The following AQP7B variants were observed in gnomAD, a reference collection of about 807,000 sequenced individuals.
The protein encoded by AQP7B is putative aquaporin-7B.
At chr2:94,603,172 A>G in the AQP7B span, 1 of 1,506,524 alleles carries the variant, frequency 6.6e-7, no homozygotes, top group Non-Finnish European at 9.1e-7. Context: ...AGTCTCTTCT[A>G]CAGCAAGTGT....
At chr2:94,603,022 G>A in the AQP7B span, 3 of 1,591,556 alleles carry the variant, frequency 1.9e-6, no homozygotes, top group African/African-American at 4.0e-5. Context: ...TGACACACTT[G>A]CCTGCTGCCC....
chr2:94,599,997 G>T, the AQP7B span, among the ~76,000 whole-genome samples: 3 of 151,752 alleles, frequency 2.0e-5, no homozygotes, highest in Non-Finnish European at 4.4e-5. Context: ...TCCTGTCTCA[G>T]CCTCCTGAGT....
chr2:94,589,992 C>T, the AQP7B span, among the ~76,000 whole-genome samples: 1 of 152,204 alleles, frequency 6.6e-6, no homozygotes, highest in Non-Finnish European at 1.5e-5. Flanking sequence ...CAGGCCACCA[C>T]CCGCCCATTC....
At chr2:94,588,838 C>G in the AQP7B span, among the ~76,000 whole-genome samples, 3 of 151,860 alleles carry the variant, frequency 2.0e-5, no homozygotes, top group African/African-American at 7.2e-5. Flanking sequence ...CTCTCAGGCT[C>G]AGCTGTCTTT....
At chr2:94,602,160 G>A in the AQP7B span, among the ~76,000 whole-genome samples, 3 of 151,886 alleles carry the variant, frequency 2.0e-5, no homozygotes, top group African/African-American at 4.8e-5. Context: ...GGGGTGCAAT[G>A]CATGCCAGCC....
the AQP7B span, among the ~76,000 whole-genome samples, chr2:94,590,650 G>T: frequency 6.6e-6 from 1 of 152,172 alleles, no homozygotes; most frequent in African/African-American, 2.4e-5. Context: ...TTAGTCAAAG[G>T]GTTAGTAAGC....
At chr2:94,592,267 C>G in the AQP7B span, among the ~76,000 whole-genome samples, 1 of 152,126 alleles carries the variant, frequency 6.6e-6, no homozygotes, top group South Asian at 2.1e-4. Flanking sequence ...CCTAAATTCC[C>G]CTGACCTCGC....
the AQP7B span, among the ~76,000 whole-genome samples, chr2:94,599,263 G>A: frequency 6.6e-6 from 1 of 151,940 alleles, no homozygotes; most frequent in African/African-American, 2.4e-5. Context: ...ACCCCCATCT[G>A]TTCCTGTCCT....
the AQP7B span, chr2:94,604,190 G>C: frequency 2.4e-6 from 3 of 1,268,422 alleles, no homozygotes; most frequent in Non-Finnish European, 3.3e-6. Context: ...GGGTAGCCTG[G>C]GGATGACTCC....
the AQP7B span, among the ~76,000 whole-genome samples, chr2:94,589,567 AACTT>A: frequency 0.01 from 1,547 of 152,108 alleles, 25 homozygotes; most frequent in African/African-American, 0.036. Context: ...TATACAAATG[AACTT>A]ACTTATTACA....
At chr2:94,600,027 C>G in the AQP7B span, among the ~76,000 whole-genome samples, 1 of 151,990 alleles carries the variant, frequency 6.6e-6, no homozygotes, top group African/African-American at 2.4e-5. Context: ...TACAGGCAAG[C>G]ACCACCACGC....
chr2:94,602,935 A>G, the AQP7B span: 137 of 1,342,592 alleles, frequency 1.0e-4, no homozygotes, highest in Non-Finnish European at 1.1e-4. Flanking sequence ...GCTCTGTCAC[A>G]GAGCATGCTG....
At chr2:94,596,945 C>T in the AQP7B span, among the ~76,000 whole-genome samples, 3 of 152,196 alleles carry the variant, frequency 2.0e-5, no homozygotes, top group African/African-American at 7.2e-5. Context: ...GGTGACCTTC[C>T]TGCCTCGGCC....
the AQP7B span, among the ~76,000 whole-genome samples, chr2:94,593,708 A>T: frequency 6.6e-6 from 1 of 151,550 alleles, no homozygotes; most frequent in African/African-American, 2.4e-5. Flanking sequence ...CTGGTCTCGA[A>T]CTCCCAACCT....
At chr2:94,602,790 T>C in the AQP7B span, among the ~76,000 whole-genome samples, 2,329 of 152,296 alleles carry the variant, frequency 0.015, 56 homozygotes, top group African/African-American at 0.053. Context: ...CCAGATTCTT[T>C]CTGGGCCCCC....
At chr2:94,601,916 G>A in the AQP7B span, among the ~76,000 whole-genome samples, 2 of 152,048 alleles carry the variant, frequency 1.3e-5, no homozygotes, top group African/African-American at 4.8e-5. Flanking sequence ...CGTGAGGGAT[G>A]GGCAGCAACA....
chr2:94,594,358 C>T, the AQP7B span, among the ~76,000 whole-genome samples: 2 of 152,250 alleles, frequency 1.3e-5, no homozygotes. Flanking sequence ...GGCAGACAGA[C>T]AGATGGACAG....
chr2:94,597,422 C>T, the AQP7B span, among the ~76,000 whole-genome samples: 4 of 152,110 alleles, frequency 2.6e-5, no homozygotes, highest in Non-Finnish European at 5.9e-5. Flanking sequence ...GCATCCCGGG[C>T]TCTGTGATGC....
At chr2:94,601,320 T>G in the AQP7B span, among the ~76,000 whole-genome samples, 1 of 151,982 alleles carries the variant, frequency 6.6e-6, no homozygotes, top group African/African-American at 2.4e-5. Context: ...GAACATAGAG[T>G]GAGGAGCAGG....
Sources: gnomAD v4.1 joint callset for allele counts (sites outside exome capture counted in the v4.1 genomes callset) on GRCh38, gnomAD v4.1.1 for gene constraint, MANE v1.5 for transcripts, NCBI Gene and HGNC (gene_info 2026-07-23, HGNC 2026-07-21) for gene names.